Variants in RUFY1 observed in about 807,000 individuals in gnomAD.
The protein encoded by RUFY1 is RUN and FYVE domain containing 1, also known as RUN and FYVE domain-containing protein 1.
In RUFY1, 54 loss-of-function variants were observed where a neutral mutation model predicts 94.6. That is an observed-to-expected ratio of 0.57 (90% CI 0.46 to 0.72). The LOEUF is 0.72. RUFY1 is among the 30% of genes least tolerant of loss of function. The pLI, the probability that RUFY1 is intolerant of heterozygous loss-of-function variation, is 0.00. For missense variants in RUFY1, 883 were observed against 883.9 expected (o/e 1.00, Z 0.01); for synonymous variants, 396 against 347.3 (o/e 1.14, Z -1.56).
intron 1 of RUFY1, among the ~76,000 whole-genome samples, chr5:179,551,229 G>A (rs1278119701): frequency 6.6e-6 from 1 of 152,244 alleles, no homozygotes; most frequent in East Asian, 1.9e-4. Context: ...GTGCGGGAGT[G>A]GAGCGCCGGC....
chr5:179,593,886 G>A (rs1765312986), intron 11 of RUFY1, among the ~76,000 whole-genome samples: 1 of 152,168 alleles, frequency 6.6e-6, no homozygotes. Context: ...GCTTCTAAGG[G>A]GAGACGTGGG....
Position 179,585,781 on chromosome 5 carries a change from T to G in RUFY1, c.957-15T>G. ...GTATAAGTTTATGTTTACTTAATAT[T>G]CTTATTTTCTACAGCTGCACAGTTG... On this transcript the variant is annotated splice_polypyrimidine_tract_variant and intron_variant, in intron 7 of 17. Transcript: ENST00000319449. The G allele has an allele frequency of 6.3e-7, 1 of 1,588,434 alleles. No homozygotes were observed. The highest frequency in any genetic ancestry group is 8.6e-7 in the Non-Finnish European group (1 of 1,156,988).
At chr5:179,580,154 A>G (rs937549759) in intron 6 of RUFY1, among the ~76,000 whole-genome samples, 34 of 151,768 alleles carry the variant, frequency 2.2e-4, no homozygotes, top group African/African-American at 8.2e-4. Context: ...TGAGGAAAGT[A>G]TGATGCTGAG....
rs1561965931 is a variant in RUFY1 at position 179,561,224 on chromosome 5, TA to T, written c.484+1029del. On this transcript the variant is annotated intron_variant, in intron 2 of 17. Coordinates refer to ENST00000319449, the MANE Select transcript of RUFY1 (RefSeq NM_025158.5). The stretch of plus-strand genomic sequence containing the variant: ...AGATTCCATCTCAAAAATAAATAAA[TA>T]AATAAATTAATTAATTAATTAAAAC... 2.6e-3 allele frequency among the ~76,000 whole-genome samples: 386 copies of T among 148,106 alleles called. 1 individual carries two copies. Among genetic ancestry groups the T allele is most frequent in the East Asian group, 0.017 (87 of 5,096 alleles).
chr5:179,600,224 G>A (rs899713750), intron 14 of RUFY1: 14 of 152,320 alleles, frequency 9.2e-5, no homozygotes, highest in African/African-American at 3.1e-4. Context: ...CAGAAGCTAC[G>A]GCACAGGGTG....
At chr5:179,577,041 T>G in intron 5 of RUFY1, 34 bp from the exon 6 acceptor site, 1 of 1,397,320 alleles carries the variant, frequency 7.2e-7, no homozygotes, top group Non-Finnish European at 1.0e-6. Flanking sequence ...AAATAGGACA[T>G]TTTATTTAAA....
In RUFY1 at chr5:179,596,641, G is replaced by T; in HGVS notation, c.1591G>T (p.Gly531Cys). 1 of 1,610,320 alleles carries T rather than the reference G, an allele frequency of 6.2e-7. No individual in the cohort carries two copies. Among genetic ancestry groups the T allele is most frequent in the Non-Finnish European group, 8.5e-7 (1 of 1,178,922 alleles). Residue 531 changes from glycine (G) to cysteine (C), a missense_variant, in exon 13 of 18, where the codon GGC becomes TGC. Gly to Cys is a radical substitution (Grantham distance 159, BLOSUM62 -3). Transcript: ENST00000319449. ...KLQQELGGRI[G>C]ALQLQLSQLH... The stretch of plus-strand genomic sequence containing the variant: ...GCAGCAGGAGCTGGGCGGGAGGATC[G>T]GCGCCCTGCAGCTGCAGCTCTCCCA...
chr5:179,569,793 G>A (rs543913989), intron 5 of RUFY1, among the ~76,000 whole-genome samples: 3 of 152,238 alleles, frequency 2.0e-5, no homozygotes, highest in African/African-American at 7.2e-5. Flanking sequence ...CTCCCAGGCT[G>A]GAGTGCAGTG....
At chr5:179,608,504 T>G in intron 17 of RUFY1, 1 of 985,444 alleles carries the variant, frequency 1.0e-6, no homozygotes, top group East Asian at 1.1e-4. Context: ...CCAGGGAACC[T>G]GTTTAGAAAG....
intron 11 of RUFY1, 124 bp downstream of exon 11, chr5:179,593,769 T>C: frequency 1.4e-6 from 2 of 1,396,586 alleles, no homozygotes; most frequent in Non-Finnish European, 1.9e-6. Flanking sequence ...GACCTGCTCC[T>C]AGGACCTATT....
At chr5:179,580,243 A>G (rs868282147) in intron 6 of RUFY1, among the ~76,000 whole-genome samples, 267 of 36,986 alleles carry the variant, frequency 7.2e-3, no homozygotes, top group African/African-American at 9.2e-3. Flanking sequence ...GTGTGTGTGT[A>G]TATTTTTTTT....
chr5:179,562,528 C>CT lies in RUFY1; in HGVS notation c.485-15dup. 2.0e-6 allele frequency: 3 copies of CT among 1,484,258 alleles called. No individual in the cohort carries two copies. The South Asian group carries it at 3.4e-5, about 17-fold the overall frequency. 91.9% of individuals were successfully genotyped at this position (1,484,258 alleles called of 1,614,324 possible). A position where few individuals can be genotyped will look rare whatever the true frequency, so the allele number is the denominator to read the frequency against. On this transcript the variant is annotated intron_variant, in intron 2 of 17. Transcript: ENST00000319449. ...TTGCAACCTGTTCTTATGAATAACACTTTTGTTTTTCCTTTTAGTTAAGAA... is the reference window on the plus strand; with the variant it reads ...TTGCAACCTGTTCTTATGAATAACACTTTTTGTTTTTCCTTTTAGTTAAGAA...
At chr5:179,587,465 G>C (rs1166880866) in intron 8 of RUFY1, among the ~76,000 whole-genome samples, 1 of 145,090 alleles carries the variant, frequency 6.9e-6, no homozygotes, top group African/African-American at 2.6e-5. Context: ...CTCACTGCAA[G>C]CTCCCAAGCT....
At chr5:179,564,986 A>C (rs568855881) in intron 3 of RUFY1, among the ~76,000 whole-genome samples, 3 of 143,872 alleles carry the variant, frequency 2.1e-5, no homozygotes, top group African/African-American at 7.4e-5. Flanking sequence ...AAATATGTTA[A>C]ATTTTTTTGT....
chr5:179,551,198 G>A (rs1761828489), intron 1 of RUFY1, among the ~76,000 whole-genome samples: 1 of 152,260 alleles, frequency 6.6e-6, no homozygotes, highest in South Asian at 2.1e-4. Flanking sequence ...AGCCAGCACT[G>A]TTCTGCTTTT....
At chr5:179,553,483 A>G (rs1455351907) in intron 1 of RUFY1, among the ~76,000 whole-genome samples, 1 of 152,148 alleles carries the variant, frequency 6.6e-6, no homozygotes, top group African/African-American at 2.4e-5. Context: ...TATATATCCC[A>G]TATGGATTTA....
chr5:179,568,201 C>T (rs1423243626), intron 4 of RUFY1, among the ~76,000 whole-genome samples: 2 of 152,052 alleles, frequency 1.3e-5, no homozygotes, highest in Admixed American at 6.6e-5. Context: ...GCCAAGATCA[C>T]ACCACTGTAC....
chr5:179,568,978 A>G, intron 4 of RUFY1: 9 of 941,004 alleles, frequency 9.6e-6, no homozygotes, highest in Non-Finnish European at 1.1e-5. Flanking sequence ...TCATATCAAC[A>G]CAGAACAGGA....
rs190780866 is a variant in RUFY1 at position 179,609,323 on chromosome 5, T to C, written c.1984-53T>C. The C allele has an allele frequency of 2.7e-4, 429 of 1,586,268 alleles. 2 individuals carry two copies. In the African/African-American group the frequency reaches 2.7e-3, roughly 10 times the overall value. On this transcript the variant is annotated intron_variant, in intron 17 of 17. Coordinates refer to ENST00000319449, the MANE Select transcript of RUFY1 (RefSeq NM_025158.5). Reference sequence around the variant, plus strand: ...TCTGGGTCAGGAAGCAGGGAGGGTGTGCGGATGGCTTTTCCCCGGGTGTCC... The same window carrying C: ...TCTGGGTCAGGAAGCAGGGAGGGTGCGCGGATGGCTTTTCCCCGGGTGTCC...
Sources: gnomAD v4.1 joint callset for allele counts (sites outside exome capture counted in the v4.1 genomes callset) on GRCh38, gnomAD v4.1.1 for gene constraint, MANE v1.5 for transcripts, NCBI Gene and HGNC (gene_info 2026-07-23, HGNC 2026-07-21) for gene names.